The following PLCXD3 variants were observed in gnomAD, a reference collection of about 807,000 sequenced individuals.
PLCXD3 encodes phosphatidylinositol specific phospholipase C X domain containing 3.
PLCXD3 carries 19 observed loss-of-function variants against 25.5 expected under a neutral mutation model. That is an observed-to-expected ratio of 0.75 (90% CI 0.52 to 1.09). The LOEUF is 1.09. PLCXD3 is among the 50% of genes least tolerant of loss of function. The probability of loss-of-function intolerance (pLI) is 0.00; values close to 1 mark genes in which losing one functional copy is unlikely to be tolerated. For missense variants in PLCXD3, 411 were observed against 388.1 expected, an observed-to-expected ratio of 1.06 and a Z score of -0.50; for synonymous variants, 174 against 137.6, an observed-to-expected ratio of 1.26 and a Z score of -1.85.
intron 1 of PLCXD3, among the ~76,000 whole-genome samples, chr5:41,508,992 G>A (rs978536369): frequency 6.6e-6 from 1 of 152,264 alleles, no homozygotes; most frequent in Middle Eastern, 3.4e-3. Context: ...TGTTGAAGAA[G>A]GACGAAAGGA....
intron 2 of PLCXD3, among the ~76,000 whole-genome samples, chr5:41,341,978 A>G (rs1242637217): frequency 6.6e-6 from 1 of 152,154 alleles, no homozygotes; most frequent in Non-Finnish European, 1.5e-5. Flanking sequence ...GCTTTGTTCC[A>G]ATAGTTGTAG....
chr5:41,374,500 G>A (rs1745226917), intron 2 of PLCXD3, among the ~76,000 whole-genome samples: 1 of 152,048 alleles, frequency 6.6e-6, no homozygotes, highest in Admixed American at 6.6e-5. Context: ...TTGCAAATTA[G>A]GAATAACACT....
rs1362124485 is a variant in PLCXD3, at chr5:41,311,907, T to A, written c.*1710A>T. ...AGTTCATTAAAAGCTGAGGGCATGC[T>A]TTTATTTCTCTATGACCCTACTTTG... On this transcript the variant is annotated 3_prime_UTR_variant, in exon 3 of 3. Coordinates refer to ENST00000377801, the MANE Select transcript of PLCXD3 (RefSeq NM_001005473.3). The A allele has an allele frequency of 2.0e-5, 3 of 152,588 alleles. No homozygotes were observed. The highest frequency in any genetic ancestry group is 4.4e-5 in the Non-Finnish European group (3 of 68,026). The allele number at this position is 152,588 out of a possible 1,614,324, so 9.5% of individuals were successfully genotyped here.
chr5:41,326,800 C>T (rs1365264816), intron 2 of PLCXD3, among the ~76,000 whole-genome samples: 4 of 152,112 alleles, frequency 2.6e-5, no homozygotes, highest in Admixed American at 2.0e-4. Flanking sequence ...TTACCAGTAC[C>T]TGCCCATTAA....
intron 1 of PLCXD3, among the ~76,000 whole-genome samples, chr5:41,463,844 C>T (rs1747949236): frequency 6.6e-6 from 1 of 152,000 alleles, no homozygotes; most frequent in African/African-American, 2.4e-5. Flanking sequence ...TTCTGCCAAT[C>T]ATAGCATCAC....
At chr5:41,424,867 A>T (rs1483424908) in intron 1 of PLCXD3, among the ~76,000 whole-genome samples, 1 of 152,174 alleles carries the variant, frequency 6.6e-6, no homozygotes, top group Non-Finnish European at 1.5e-5. Context: ...TGTATTCTAT[A>T]TTATCATCAA....
chr5:41,464,803 T>C (rs904956297), intron 1 of PLCXD3, among the ~76,000 whole-genome samples: 2 of 152,074 alleles, frequency 1.3e-5, no homozygotes, highest in Admixed American at 1.3e-4. Flanking sequence ...TGCTGGACTT[T>C]CTGAATCTAT....
At chr5:41,447,810 C>T (rs555152154) in intron 1 of PLCXD3, among the ~76,000 whole-genome samples, 5 of 152,298 alleles carry the variant, frequency 3.3e-5, no homozygotes, top group South Asian at 2.1e-4. Context: ...ATAAAACTAG[C>T]GTAAACCTTC....
At chr5:41,499,019 G>T (rs141623822) in intron 1 of PLCXD3, among the ~76,000 whole-genome samples, 14 of 151,502 alleles carry the variant, frequency 9.2e-5, no homozygotes, top group African/African-American at 3.1e-4. Context: ...CACAATAAAA[G>T]CCACATATGA....
intron 1 of PLCXD3, among the ~76,000 whole-genome samples, chr5:41,443,587 T>G (rs547668792): frequency 6.6e-6 from 1 of 152,304 alleles, no homozygotes; most frequent in African/African-American, 2.4e-5. Context: ...TTGTTATTAC[T>G]ATGATTATTA....
chr5:41,315,882 C>G (rs1199872120), intron 2 of PLCXD3, among the ~76,000 whole-genome samples: 1 of 152,224 alleles, frequency 6.6e-6, no homozygotes, highest in Admixed American at 6.5e-5. Context: ...GAGGGAATCA[C>G]AGATCCCAGC....
chr5:41,451,866 A>G (rs1284833965), intron 1 of PLCXD3, among the ~76,000 whole-genome samples: 1 of 151,982 alleles, frequency 6.6e-6, no homozygotes, highest in Non-Finnish European at 1.5e-5. Context: ...AGAAAATATC[A>G]TCTTCTTGTT....
chr5:41,438,276 G>C (rs1169339932), intron 1 of PLCXD3, among the ~76,000 whole-genome samples: 1 of 152,182 alleles, frequency 6.6e-6, no homozygotes, highest in Non-Finnish European at 1.5e-5. Flanking sequence ...CTTAGTTAAT[G>C]ATGAAAAGGC....
At chr5:41,403,398 G>GTTTTTTTTTGTTTTGTTT (rs764950342) in intron 1 of PLCXD3, among the ~76,000 whole-genome samples, 1 of 33,998 alleles carries the variant, frequency 2.9e-5, no homozygotes, top group Non-Finnish European at 6.5e-5. Flanking sequence ...TGACTTATTT[G>GTTTTTTTTTGTTTTGTTT]TTGTTTTTTT....
At chr5:41,329,485 A>G (rs1245890097) in intron 2 of PLCXD3, among the ~76,000 whole-genome samples, 3 of 152,230 alleles carry the variant, frequency 2.0e-5, no homozygotes, top group Non-Finnish European at 2.9e-5. Flanking sequence ...GAACAGAAGT[A>G]TATGCAGTAA....
chr5:41,365,535 C>T (rs1744907829), intron 2 of PLCXD3, among the ~76,000 whole-genome samples: 1 of 152,168 alleles, frequency 6.6e-6, no homozygotes, highest in South Asian at 2.1e-4. Flanking sequence ...ACTGCCTCTC[C>T]AGTCCCCACT....
intron 1 of PLCXD3, among the ~76,000 whole-genome samples, chr5:41,439,663 G>A (rs950196125): frequency 9.2e-5 from 14 of 152,082 alleles, no homozygotes; most frequent in African/African-American, 3.4e-4. Context: ...TCTTCCAAAT[G>A]TCTTTCAGGT....
intron 1 of PLCXD3, among the ~76,000 whole-genome samples, chr5:41,450,167 T>C (rs549491751): frequency 9.9e-5 from 15 of 152,208 alleles, no homozygotes; most frequent in Admixed American, 5.9e-4. Flanking sequence ...ATGAGGAGCC[T>C]GGTGAAAGTA....
At chr5:41,385,882 TG>T (rs1475604651) in intron 1 of PLCXD3, among the ~76,000 whole-genome samples, 1 of 152,094 alleles carries the variant, frequency 6.6e-6, no homozygotes, top group Non-Finnish European at 1.5e-5. Flanking sequence ...AACTGAATCC[TG>T]TTAACAGCCA....
Sources: gnomAD v4.1 joint callset for allele counts (sites outside exome capture counted in the v4.1 genomes callset) on GRCh38, gnomAD v4.1.1 for gene constraint, MANE v1.5 for transcripts, NCBI Gene and HGNC (gene_info 2026-07-23, HGNC 2026-07-21) for gene names.